Variants in RBX1 observed in about 807,000 individuals in gnomAD.
RBX1 encodes the protein E3 ubiquitin-protein ligase RBX1.
For missense variants in RBX1, 46 were observed against 141.4 expected (o/e 0.33, Z 3.42); for synonymous variants, 48 against 47.9 (o/e 1.00, Z -0.01).
At chr22:40,953,077 G>A (rs971492576) in intron 1 of RBX1, among the ~76,000 whole-genome samples, 6 of 133,280 alleles carry the variant, frequency 4.5e-5, no homozygotes, top group Non-Finnish European at 4.6e-5. Context: ...TGCAACCTCC[G>A]TCCCCCAGAT....
chr22:40,961,081 CTTT>C lies in RBX1; in HGVS notation c.158-2945_158-2943del, dbSNP rs61092253. Reference sequence around the variant, plus strand: ...GCCCGGCCGAGCCACCGTGCCTGGCCTTTTTTTTTTTTTTTTTTTTTTTGATAA... The same window carrying C: ...GCCCGGCCGAGCCACCGTGCCTGGCCTTTTTTTTTTTTTTTTTTTTGATAA... On this transcript the variant is annotated intron_variant, in intron 2 of 4. Coordinates refer to ENST00000216225, the MANE Select transcript of RBX1 (RefSeq NM_014248.4). Among the ~76,000 whole-genome samples, 834 of 107,640 alleles carry C rather than the reference CTTT, an allele frequency of 7.7e-3. 5 individuals carry two copies. Among genetic ancestry groups the C allele is most frequent in the African/African-American group, 0.029 (797 of 27,092 alleles). 70.6% of individuals were successfully genotyped at this position (107,640 alleles called of 152,430 possible).
At chr22:40,955,816 G>A (rs749318986) in intron 2 of RBX1, among the ~76,000 whole-genome samples, 5 of 152,174 alleles carry the variant, frequency 3.3e-5, no homozygotes, top group Non-Finnish European at 5.9e-5. Flanking sequence ...CTTTGACACT[G>A]TTTATCTCTT....
At chr22:40,954,886 A>G (rs1274984112) in intron 2 of RBX1, among the ~76,000 whole-genome samples, 1 of 152,092 alleles carries the variant, frequency 6.6e-6, no homozygotes, top group African/African-American at 2.4e-5. Context: ...TCCCGAGTTC[A>G]AGTGATTCTC....
intron 4 of RBX1, among the ~76,000 whole-genome samples, chr22:40,968,972 CTTTTT>C (rs1314903996): frequency 6.8e-6 from 1 of 147,114 alleles, no homozygotes; most frequent in East Asian, 2.0e-4. Flanking sequence ...TTTTTCTTTT[CTTTTT>C]TTATTTGTTT....
At chr22:40,962,539 A>T (rs2058343784) in intron 2 of RBX1, among the ~76,000 whole-genome samples, 1 of 139,018 alleles carries the variant, frequency 7.2e-6, no homozygotes, top group Non-Finnish European at 1.5e-5. Flanking sequence ...TGTGTCACCC[A>T]GGCTGGAGTG....
rs796079167 is a variant in RBX1, at chr22:40,964,875, C to T, written c.228+758C>T. On this transcript the variant is annotated intron_variant, in intron 3 of 4. Coordinates refer to ENST00000216225, the MANE Select transcript of RBX1 (RefSeq NM_014248.4). ...AAGTGACGTTAGGCAAGGCATTTAACGTCTCCAATCCTGGGTTCCCTCATA... is the reference window on the plus strand; with the variant it reads ...AAGTGACGTTAGGCAAGGCATTTAATGTCTCCAATCCTGGGTTCCCTCATA... Among the ~76,000 whole-genome samples, 7 of 152,290 alleles carry T rather than the reference C, an allele frequency of 4.6e-5. No individual in the cohort carries two copies. In the South Asian group the frequency reaches 1.0e-3, roughly 23 times the overall value.
At chr22:40,966,172 A>T (rs1177268963) in intron 3 of RBX1, 4 of 152,234 alleles carry the variant, frequency 2.6e-5, no homozygotes, top group Non-Finnish European at 4.4e-5. Flanking sequence ...GAGGCCTCAA[A>T]TGAGGTAATA....
intron 1 of RBX1, among the ~76,000 whole-genome samples, chr22:40,952,118 G>T (rs1363803946): frequency 6.6e-6 from 1 of 152,124 alleles, no homozygotes; most frequent in African/African-American, 2.4e-5. Context: ...GTCACGTCCA[G>T]AATCTCCCCC....
intron 2 of RBX1, among the ~76,000 whole-genome samples, chr22:40,963,606 A>G (rs2058346672): frequency 6.6e-6 from 1 of 152,190 alleles, no homozygotes; most frequent in African/African-American, 2.4e-5. Flanking sequence ...ATTGCACTTC[A>G]GCCTGGGCAA....
chr22:40,951,418 T>C lies in RBX1; in HGVS notation c.20T>C (p.Val7Ala). 6.2e-7 allele frequency: 1 copy of C among 1,613,318 alleles called. No homozygotes were observed. The change falls in exon 1 of 5, where the codon GTG becomes GCG. Residue 7 changes from valine (V) to alanine (A), a missense_variant. Val to Ala is a moderately conservative substitution (Grantham distance 64, BLOSUM62 0). Coordinates refer to ENST00000216225, the MANE Select transcript of RBX1 (RefSeq NM_014248.4). ...TCCAAAATGGCGGCAGCGATGGATG[T>C]GGATACCCCGAGCGGCACCAACAGC... is the stretch of plus-strand genomic sequence containing the variant. MAAAMD[V>A]DTPSGTNSGA...
At chr22:40,952,745 T>G (rs2058314838) in intron 1 of RBX1, among the ~76,000 whole-genome samples, 2 of 152,316 alleles carry the variant, frequency 1.3e-5, no homozygotes, top group Admixed American at 6.5e-5. Context: ...GAATTTGTTA[T>G]GAAGTAATCT....
chr22:40,967,515 T>G, intron 3 of RBX1: 1 of 242,198 alleles, frequency 4.1e-6, no homozygotes. Flanking sequence ...AGGAGCCACA[T>G]TCCACGTTCT....
intron 2 of RBX1, among the ~76,000 whole-genome samples, chr22:40,962,959 G>C (rs1185503057): frequency 6.6e-6 from 1 of 151,092 alleles, no homozygotes; most frequent in Non-Finnish European, 1.5e-5. Context: ...GCCTCCCAAA[G>C]TGCTGAGATT....
intron 3 of RBX1, 187 bp downstream of exon 3, chr22:40,964,304 A>T (rs2058348325): frequency 2.0e-6 from 1 of 498,048 alleles, no homozygotes; most frequent in Admixed American, 3.5e-5. Flanking sequence ...AATTACAGTT[A>T]CTGCAAAGAG....
In RBX1 at chr22:40,953,647, G is replaced by A. The variant is rs748126566; in HGVS notation, c.157+14G>A. 1 of 1,553,416 alleles carries A rather than the reference G, an allele frequency of 6.4e-7. No homozygotes were observed. Among genetic ancestry groups the A allele is most frequent in the East Asian group, 2.3e-5 (1 of 44,352 alleles). On this transcript the variant is annotated intron_variant, in intron 2 of 4. Coordinates refer to ENST00000216225, the MANE Select transcript of RBX1 (RefSeq NM_014248.4). ...TTATGGATCTTTGTAAGTAATTGGA[G>A]GAGGATGGGAGGAAGTTGAGAAGGT...
chr22:40,962,659 C>T (rs1393304999), intron 2 of RBX1, among the ~76,000 whole-genome samples: 1 of 150,736 alleles, frequency 6.6e-6, no homozygotes, highest in Non-Finnish European at 1.5e-5. Flanking sequence ...CCACACACAC[C>T]TGGCTAATTT....
chr22:40,958,601 G>A (rs115175577), intron 2 of RBX1, among the ~76,000 whole-genome samples: 45 of 152,066 alleles, frequency 3.0e-4, no homozygotes, highest in African/African-American at 1.0e-3. Context: ...ATTTTACACT[G>A]TCTCCTTCCT....
chr22:40,958,314 A>C (rs1176257921), intron 2 of RBX1, among the ~76,000 whole-genome samples: 1 of 152,122 alleles, frequency 6.6e-6, no homozygotes, highest in African/African-American at 2.4e-5. Context: ...ACTTAAAAAA[A>C]AAAAAAGGAT....
chr22:40,952,071 T>C (rs1223885376), intron 1 of RBX1, among the ~76,000 whole-genome samples: 1 of 152,152 alleles, frequency 6.6e-6, no homozygotes, highest in Non-Finnish European at 1.5e-5. Context: ...AGACGTCTGT[T>C]GGCTTTTCAC....
Sources: allele counts gnomAD v4.1 joint callset (sites outside exome capture counted in the v4.1 genomes callset), GRCh38; gene constraint gnomAD v4.1.1; transcripts MANE v1.5; gene names NCBI Gene and HGNC (gene_info 2026-07-23, HGNC 2026-07-21).